The following MTOR variants were observed in gnomAD, a reference collection of about 807,000 sequenced individuals.
MTOR encodes serine/threonine-protein kinase mTOR.
In MTOR, 70 loss-of-function variants were observed where a neutral mutation model predicts 319.8. That is an observed-to-expected ratio of 0.22 (90% CI 0.18 to 0.27). The LOEUF is 0.27. Ranked by LOEUF, MTOR falls within the 10% of genes least tolerant of loss-of-function variation. MTOR has a pLI of 1.00. For synonymous variants in MTOR, 1,183 were observed against 1,211.4 expected, an observed-to-expected ratio of 0.98 and a Z score of 0.49; for missense variants, 1,890 against 3,274.4, an observed-to-expected ratio of 0.58 and a Z score of 10.32.
At chr1:11,220,090 G>A (rs1396750761) in intron 19 of MTOR, among the ~76,000 whole-genome samples, 16 of 146,368 alleles carry the variant, frequency 1.1e-4, no homozygotes, top group African/African-American at 2.5e-4. Flanking sequence ...AGGGTATAAG[G>A]ACAAAATTCC....
chr1:11,108,352 T>C, intron 56 of MTOR, 66 bp from the exon 57 acceptor site: 1 of 1,191,208 alleles, frequency 8.4e-7, no homozygotes, highest in South Asian at 1.2e-5. Flanking sequence ...TTGTTCCCTG[T>C]GGGCTTAACT....
At chr1:11,148,353 G>C (rs575943463) in intron 31 of MTOR, among the ~76,000 whole-genome samples, 3 of 152,280 alleles carry the variant, frequency 2.0e-5, no homozygotes, top group African/African-American at 7.2e-5. Flanking sequence ...AAATCCTACT[G>C]TGGTATAAGA....
Position 11,106,750 on chromosome 1 carries a change from G to GA in MTOR, c.*734dup, listed in dbSNP as rs1641598107. The GA allele has an allele frequency of 8.1e-7, 1 of 1,235,590 alleles. No homozygotes were observed. The highest frequency in any genetic ancestry group is 1.8e-5 in the South Asian group (1 of 56,054). The allele number at this position is 1,235,590 out of a possible 1,614,324, so 76.5% of individuals were successfully genotyped here. On this transcript the variant is annotated 3_prime_UTR_variant, in exon 58 of 58. Coordinates refer to ENST00000361445, the MANE Select transcript of MTOR (RefSeq NM_004958.4). ...CTCTAAACAGAGTATTTTGACCACTGAAAACATCCCAGAACCCTGCTGCAG... is the reference window on the plus strand; with the variant it reads ...CTCTAAACAGAGTATTTTGACCACTGAAAAACATCCCAGAACCCTGCTGCAG...
In MTOR at chr1:11,238,011, G is replaced by T; in HGVS notation, c.2040C>A (p.Asp680Glu). The change falls in exon 13 of 58, where the codon GAC (aspartate) becomes GAA (glutamate). Residue 680 changes from aspartate (D) to glutamate (E), a missense_variant. By Grantham distance (45) the Asp-to-Glu change is conservative. This residue lies in a region of MTOR where 377 missense variants were observed against 653.9 expected (regional missense o/e 0.58). Coordinates refer to ENST00000361445, the MANE Select transcript of MTOR (RefSeq NM_004958.4). ...DIRYCVLASL[D>E]ERFDAHLAQA... ...GGGCCAGGTGTGCATCAAAGCGCTC[G>T]TCCAGGGACGCCAAGACACAGTAGC... 6.2e-7 allele frequency: 1 copy of T among 1,614,180 alleles called. No homozygotes were observed. Among genetic ancestry groups the T allele is most frequent in the South Asian group, 1.1e-5 (1 of 91,076 alleles).
intron 53 of MTOR, 64 bp downstream of exon 53, chr1:11,114,254 C>T (rs762657609): frequency 6.3e-7 from 1 of 1,592,508 alleles, no homozygotes; most frequent in Non-Finnish European, 8.6e-7. Context: ...CTTGGCCTCC[C>T]AAAATGTTAG....
intron 32 of MTOR, among the ~76,000 whole-genome samples, chr1:11,146,230 T>C (rs1643924267): frequency 6.6e-6 from 1 of 152,224 alleles, no homozygotes; most frequent in African/African-American, 2.4e-5. Context: ...CTTCATTATT[T>C]CATTCTGCAA....
chr1:11,126,041 CAAAAAAAAAAA>C (rs757246303), intron 46 of MTOR, among the ~76,000 whole-genome samples: 3 of 28,326 alleles, frequency 1.1e-4, no homozygotes, highest in Non-Finnish European at 2.3e-4. Context: ...AACTCTGGCT[CAAAAAAAAAAA>C]AAAAAAAAAA....
Position 11,115,485 on chromosome 1 carries a change from A to C in MTOR, c.7017-17T>G, listed in dbSNP as rs368766933. 8.4e-5 allele frequency: 135 copies of C among 1,611,774 alleles called. No homozygotes were observed. The highest frequency in any genetic ancestry group is 3.3e-4 in the Middle Eastern group (2 of 6,078). ...GATGGGTGTCTTTGAGAAACAGAAG[A>C]CAGATCAGGGAGGGATCAACAGAGA... On this transcript the variant is annotated splice_polypyrimidine_tract_variant and intron_variant, in intron 50 of 57. Transcript: ENST00000361445. The surrounding 1 kb of genome is among the most constrained non-coding windows in gnomAD (Gnocchi z 4.5).
chr1:11,151,943 AG>A (rs769567840), intron 30 of MTOR, among the ~76,000 whole-genome samples: 5 of 152,196 alleles, frequency 3.3e-5, no homozygotes, highest in Non-Finnish European at 7.3e-5. Context: ...GCAGGAAGCA[AG>A]TTCAGTGCTG....
chr1:11,223,628 G>A (rs771661339), intron 19 of MTOR, among the ~76,000 whole-genome samples: 1 of 151,964 alleles, frequency 6.6e-6, no homozygotes, highest in Non-Finnish European at 1.5e-5. Context: ...TGGCCAATGA[G>A]TGAAGGCAAA....
At chr1:11,136,165 T>G (rs967891025) in intron 36 of MTOR, among the ~76,000 whole-genome samples, 2 of 152,026 alleles carry the variant, frequency 1.3e-5, no homozygotes, top group Admixed American at 6.6e-5. Flanking sequence ...AAAAAACATG[T>G]TAGTGATGAT....
intron 57 of MTOR, among the ~76,000 whole-genome samples, chr1:11,107,752 C>T (rs1206202823): frequency 1.3e-5 from 2 of 152,166 alleles, no homozygotes; most frequent in African/African-American, 4.8e-5. Flanking sequence ...GGCAATTAAT[C>T]AAAGCACACC....
chr1:11,210,953 G>T, intron 23 of MTOR, 47 bp from the exon 24 acceptor site: 1 of 1,217,758 alleles, frequency 8.2e-7, no homozygotes, highest in Non-Finnish European at 1.2e-6. Context: ...TTTGGAGAGT[G>T]GAGAAAAAGT....
intron 6 of MTOR, among the ~76,000 whole-genome samples, chr1:11,251,644 TTAGA>T (rs1649691646): frequency 6.6e-6 from 1 of 150,894 alleles, no homozygotes; most frequent in Admixed American, 6.6e-5. Context: ...TACCTTATAT[TTAGA>T]TAGTTTCTTT....
At chr1:11,119,259 T>C (rs1165141312) in intron 49 of MTOR, among the ~76,000 whole-genome samples, 1 of 151,748 alleles carries the variant, frequency 6.6e-6, no homozygotes, top group East Asian at 1.9e-4. Context: ...AGTGAAACCC[T>C]GTCTCTACTA....
intron 38 of MTOR, 103 bp downstream of exon 38, chr1:11,132,977 G>C (rs1643231591): frequency 1.0e-6 from 1 of 964,466 alleles, no homozygotes; most frequent in Non-Finnish European, 1.6e-6. Flanking sequence ...TAAGTTCACA[G>C]CATCAGCCTA....
intron 36 of MTOR, among the ~76,000 whole-genome samples, chr1:11,136,165 T>A (rs967891025): frequency 2.0e-5 from 3 of 152,026 alleles, no homozygotes; most frequent in Non-Finnish European, 4.4e-5. Context: ...AAAAAACATG[T>A]TAGTGATGAT....
Position 11,167,505 on chromosome 1 carries a change from CT to C in MTOR, c.4265del (p.Lys1422SerfsTer12). 6.2e-7 allele frequency: 1 copy of C among 1,612,196 alleles called. No homozygotes were observed. On this transcript the variant is annotated frameshift_variant, in exon 29 of 58. Transcript: ENST00000361445. LOFTEE classifies it high-confidence loss of function. The stretch of plus-strand genomic sequence containing the variant: ...CGGCCGCTGCCTCCGGCTGCTGTAG[CT>C]TATTATTAATGCTGAGAAAACAAAG... ...ILESLISINN[K>X]LQQPEAAAGV...
intron 30 of MTOR, among the ~76,000 whole-genome samples, chr1:11,151,109 G>C (rs1644125595): frequency 1.3e-5 from 2 of 152,180 alleles, no homozygotes; most frequent in Admixed American, 1.3e-4. Flanking sequence ...TGGAACATGA[G>C]CTGCTCTGCG....
Sources: gnomAD v4.1 joint callset for allele counts (sites outside exome capture counted in the v4.1 genomes callset) on GRCh38, gnomAD v4.1.1 for gene constraint, gnomAD v4.1.1 regional missense constraint, Gnocchi (gnomAD v3.1) non-coding constraint, MANE v1.5 for transcripts, NCBI Gene and HGNC (gene_info 2026-07-23, HGNC 2026-07-21) for gene names.